The following EXD3 variants were observed in gnomAD, a reference collection of about 807,000 sequenced individuals.
The protein encoded by EXD3 is exonuclease 3'-5' domain containing 3, also known as exonuclease mut-7 homolog.
Under a neutral mutation model 98.0 loss-of-function variants are expected in EXD3, and 92 were observed. The observed-to-expected ratio is 0.94, with a 90% CI of 0.79 to 1.12. The LOEUF is 1.12. Ranked by LOEUF, EXD3 falls within the 50% of genes most tolerant of loss-of-function variation. The probability of loss-of-function intolerance (pLI) is 0.00; values close to 1 mark genes in which losing one functional copy is unlikely to be tolerated. For missense variants in EXD3, 1,222 were observed against 1,191.6 expected, an observed-to-expected ratio of 1.03 and a Z score of -0.38; for synonymous variants, 569 against 526.0, an observed-to-expected ratio of 1.08 and a Z score of -1.12.
rs574758135 is a variant in EXD3 at position 137,312,097 on chromosome 9, G to A, written c.2185-2397C>T. ...CACGCCGCCTCCTTCCATCAGTGTG[G>A]GACGCACAGACACCCACTCCAGGGT... is the stretch of plus-strand genomic sequence containing the variant. On this transcript the variant is annotated intron_variant, in intron 19 of 21. Coordinates refer to ENST00000340951, the MANE Select transcript of EXD3 (RefSeq NM_017820.5). Among the ~76,000 whole-genome samples the A allele has an allele frequency of 8.5e-5, 13 of 152,286 alleles. No homozygotes were observed. The South Asian group carries it at 2.7e-3, about 32-fold the overall frequency.
intron 7 of EXD3, 34 bp from the exon 8 acceptor site, chr9:137,356,402 G>T: frequency 7.5e-7 from 1 of 1,329,030 alleles, no homozygotes; most frequent in Non-Finnish European, 1.1e-6. Context: ...CTCTGTTGCT[G>T]TTTTAAGTTA....
chr9:137,382,015 A>AGGAGGTGAGGG (rs1836306864), intron 3 of EXD3, among the ~76,000 whole-genome samples: 19 of 59,796 alleles, frequency 3.2e-4, no homozygotes, highest in Admixed American at 1.2e-3. Context: ...GGAGGTGAGG[A>AGGAGGTGAGGG]CGCGGGGAGG....
chr9:137,311,531 T>G (rs1831361048), intron 19 of EXD3, among the ~76,000 whole-genome samples: 1 of 152,216 alleles, frequency 6.6e-6, no homozygotes, highest in African/African-American at 2.4e-5. Flanking sequence ...CTGGGCCAGG[T>G]GCGCACGCCT....
intron 7 of EXD3, chr9:137,365,814 T>G (rs111163099): frequency 0.11 from 37,109 of 338,592 alleles, 2,471 homozygotes; most frequent in African/African-American, 0.15. Context: ...CATGTACACA[T>G]CATATGCACG....
chr9:137,368,551 C>T (rs1050144847), intron 5 of EXD3, among the ~76,000 whole-genome samples: 1 of 152,224 alleles, frequency 6.6e-6, no homozygotes, highest in Non-Finnish European at 1.5e-5. Context: ...CCCTGACCGC[C>T]TGCACGTACC....
At position 137,307,166 on chromosome 9, in the gene EXD3, CA is replaced by C. The variant is rs762882257; in HGVS notation, c.2414del (p.Leu805ArgfsTer17). ...CCAGCTGCAGCCGGGTGCCGTCGGCCAGCATGTCCGGTGTCTCCGCCCGCAG... is the reference window on the plus strand; with the variant it reads ...CCAGCTGCAGCCGGGTGCCGTCGGCCGCATGTCCGGTGTCTCCGCCCGCAG... ...ADLRAETPDM[L>X]ADGTRLQLAG... On this transcript the variant is annotated frameshift_variant, in exon 22 of 22. Coordinates refer to ENST00000340951, the MANE Select transcript of EXD3 (RefSeq NM_017820.5). LOFTEE classifies it low-confidence loss of function (END_TRUNC). 4.4e-6 allele frequency: 7 copies of C among 1,589,604 alleles called. No individual in the cohort carries two copies. Among genetic ancestry groups the C allele is most frequent in the Non-Finnish European group, 6.0e-6 (7 of 1,169,326 alleles).
chr9:137,310,092 C>T (rs1428330023), intron 19 of EXD3, among the ~76,000 whole-genome samples: 4 of 152,232 alleles, frequency 2.6e-5, no homozygotes, highest in African/African-American at 4.8e-5. Flanking sequence ...CATAGTTGCC[C>T]CAACCCCTGA....
At chr9:137,409,908 G>C (rs1837913246) in intron 1 of EXD3, among the ~76,000 whole-genome samples, 1 of 152,204 alleles carries the variant, frequency 6.6e-6, no homozygotes, top group African/African-American at 2.4e-5. Flanking sequence ...TGGGCGCGGT[G>C]GCTCACGCCC....
intron 1 of EXD3, among the ~76,000 whole-genome samples, chr9:137,419,778 G>A (rs1403119701): frequency 6.6e-6 from 1 of 152,070 alleles, no homozygotes; most frequent in Non-Finnish European, 1.5e-5. Context: ...CGATAACCTG[G>A]GAGATCACAC....
chr9:137,398,029 A>T (rs566621000), intron 1 of EXD3, among the ~76,000 whole-genome samples: 5 of 152,258 alleles, frequency 3.3e-5, no homozygotes, highest in Non-Finnish European at 7.3e-5. Context: ...ATGAAACTAC[A>T]TAAAAGAGCT....
At chr9:137,363,365 T>C (rs1342493683) in intron 7 of EXD3, among the ~76,000 whole-genome samples, 1 of 138,712 alleles carries the variant, frequency 7.2e-6, no homozygotes, top group Non-Finnish European at 1.5e-5. Context: ...TGGGACAGAA[T>C]CTCCCTCTGC....
chr9:137,402,067 G>C (rs992078170), intron 1 of EXD3, among the ~76,000 whole-genome samples: 1 of 152,172 alleles, frequency 6.6e-6, no homozygotes, highest in Admixed American at 6.6e-5. Flanking sequence ...CCAGACTGGA[G>C]TGCAGTGGTG....
At chr9:137,410,106 A>G (rs1837924032) in intron 1 of EXD3, among the ~76,000 whole-genome samples, 1 of 151,764 alleles carries the variant, frequency 6.6e-6, no homozygotes. Context: ...AACCTGGGAG[A>G]TGAAGGTTGC....
chr9:137,369,264 G>A (rs1835465182), intron 5 of EXD3, among the ~76,000 whole-genome samples: 1 of 152,062 alleles, frequency 6.6e-6, no homozygotes, highest in Non-Finnish European at 1.5e-5. Flanking sequence ...TGGGCGCAGG[G>A]GCCACCACAT....
intron 19 of EXD3, among the ~76,000 whole-genome samples, chr9:137,315,071 C>T (rs1831570644): frequency 6.6e-6 from 1 of 152,290 alleles, no homozygotes; most frequent in East Asian, 1.9e-4. Flanking sequence ...TTGGAATGTG[C>T]CCCCTGGAGC....
At chr9:137,323,959 C>T (rs1464149077) in intron 18 of EXD3, 103 bp from the exon 19 acceptor site, 33 of 1,528,308 alleles carry the variant, frequency 2.2e-5, no homozygotes, top group African/African-American at 2.7e-5. Context: ...TCTCTCGGCC[C>T]ACCAGGGGTA....
chr9:137,373,980 C>T (rs1006429451), intron 3 of EXD3, among the ~76,000 whole-genome samples: 6 of 152,246 alleles, frequency 3.9e-5, no homozygotes, highest in Admixed American at 6.5e-5. Flanking sequence ...AGGCAAGAAC[C>T]GAAACCCAAA....
intron 7 of EXD3, among the ~76,000 whole-genome samples, chr9:137,359,032 C>T (rs1046198587): frequency 4.8e-5 from 7 of 144,780 alleles, no homozygotes; most frequent in South Asian, 2.5e-4. Flanking sequence ...CTGCAAGCTC[C>T]GCCTCCTGGG....
intron 5 of EXD3, among the ~76,000 whole-genome samples, chr9:137,372,583 A>C (rs1835683773): frequency 6.6e-6 from 1 of 152,188 alleles, no homozygotes; most frequent in Admixed American, 6.5e-5. Context: ...GGCTGGACCA[A>C]AGCTCAGGCC....
Sources: gnomAD v4.1 joint callset for allele counts (sites outside exome capture counted in the v4.1 genomes callset) on GRCh38, gnomAD v4.1.1 for gene constraint, MANE v1.5 for transcripts, NCBI Gene and HGNC (gene_info 2026-07-23, HGNC 2026-07-21) for gene names.